GABRG3: variants seen among roughly 807,000 people sequenced by gnomAD.
GABRG3 encodes gamma-aminobutyric acid receptor subunit gamma-3.
Under a neutral mutation model 48.8 loss-of-function variants are expected in GABRG3, and 25 were observed. The observed-to-expected ratio is 0.51, with a 90% CI of 0.37 to 0.72. The LOEUF is 0.72. Among genes scored for constraint, GABRG3 ranks in the 30% least tolerant of loss-of-function variants. GABRG3 has a pLI of 0.00. For synonymous variants in GABRG3, 227 were observed against 217.6 expected (o/e 1.04, Z -0.38); for missense variants, 394 against 577.9 (o/e 0.68, Z 3.26).
At chr15:27,073,705 A>G (rs1257345640) in intron 3 of GABRG3, among the ~76,000 whole-genome samples, 2 of 152,232 alleles carry the variant, frequency 1.3e-5, no homozygotes, top group African/African-American at 2.4e-5. Context: ...TGGCTAAGAT[A>G]ACACACATGG....
intron 2 of GABRG3, among the ~76,000 whole-genome samples, chr15:26,995,087 C>A (rs1895316616): frequency 6.6e-6 from 1 of 151,862 alleles, no homozygotes; most frequent in Middle Eastern, 3.2e-3. Context: ...ATCTGTTTCC[C>A]CTTTCAATTA....
chr15:27,169,836 G>A (rs554793516), intron 3 of GABRG3, among the ~76,000 whole-genome samples: 21 of 152,208 alleles, frequency 1.4e-4, no homozygotes, highest in African/African-American at 4.6e-4. Context: ...ATTACACAGA[G>A]GAAAGGGAAT....
intron 7 of GABRG3, among the ~76,000 whole-genome samples, chr15:27,523,774 C>T (rs1343105087): frequency 6.6e-6 from 1 of 151,860 alleles, no homozygotes; most frequent in Non-Finnish European, 1.5e-5. Context: ...AGGAAAGAAT[C>T]AGTGAACCAT....
chr15:27,265,882 G>GTTTTTTTTTTTGTTTTTTTTTTTTTT (rs1890903518), intron 3 of GABRG3, among the ~76,000 whole-genome samples: 1 of 127,598 alleles, frequency 7.8e-6, no homozygotes, highest in African/African-American at 3.4e-5. Flanking sequence ...TTTTCTCCTG[G>GTTTTTTTTTTTGTTTTTTTTTTTTTT]TTTTTTTTTT....
chr15:27,345,945 C>CGAGG (rs1208102016), intron 5 of GABRG3, among the ~76,000 whole-genome samples: 2 of 151,274 alleles, frequency 1.3e-5, no homozygotes, highest in African/African-American at 4.9e-5. Flanking sequence ...CCCAGCTACC[C>CGAGG]AGGAGGCTGA....
At chr15:27,296,220 C>G (rs1017510662) in intron 3 of GABRG3, among the ~76,000 whole-genome samples, 1 of 152,168 alleles carries the variant, frequency 6.6e-6, no homozygotes, top group African/African-American at 2.4e-5. Flanking sequence ...AAGGCAAAGG[C>G]ATGAGTAATG....
rs115904750 is a variant in GABRG3, at chr15:27,094,884, T to C, written c.270+68063T>C. Among the ~76,000 whole-genome samples the C allele has an allele frequency of 7.3e-3, 1,112 of 152,298 alleles. 14 individuals carry two copies. The highest frequency in any genetic ancestry group is 0.025 in the African/African-American group (1,050 of 41,566). Reference sequence around the variant, plus strand: ...ATTTTAGTATATAGTTTTCCAAATATATATATTATGACAACAAACATACAC... The same window carrying C: ...ATTTTAGTATATAGTTTTCCAAATACATATATTATGACAACAAACATACAC... On this transcript the variant is annotated intron_variant, in intron 3 of 9. Coordinates refer to ENST00000615808, the MANE Select transcript of GABRG3 (RefSeq NM_033223.5).
chr15:27,488,400 C>T (rs1890270000), intron 6 of GABRG3, among the ~76,000 whole-genome samples: 1 of 152,104 alleles, frequency 6.6e-6, no homozygotes, highest in Admixed American at 6.6e-5. Flanking sequence ...GCCATCCTAC[C>T]TGGGTTTAAA....
intron 5 of GABRG3, among the ~76,000 whole-genome samples, chr15:27,459,990 C>T (rs1013501510): frequency 6.6e-6 from 1 of 152,050 alleles, no homozygotes; most frequent in African/African-American, 2.4e-5. Flanking sequence ...CCCTCTATGT[C>T]GTAATGGTGG....
chr15:27,483,038 T>C (rs1476861638), intron 6 of GABRG3: 1 of 152,250 alleles, frequency 6.6e-6, no homozygotes, highest in Non-Finnish European at 1.5e-5. Context: ...GGATGTAATA[T>C]ATTAAATATG....
At chr15:27,243,541 T>C (rs1015402470) in intron 3 of GABRG3, among the ~76,000 whole-genome samples, 20 of 152,246 alleles carry the variant, frequency 1.3e-4, no homozygotes, top group African/African-American at 4.8e-4. Flanking sequence ...GGGGTTGTTC[T>C]TAAATTGGAA....
intron 3 of GABRG3, among the ~76,000 whole-genome samples, chr15:27,046,348 C>T (rs1369435118): frequency 6.6e-6 from 1 of 152,228 alleles, no homozygotes; most frequent in South Asian, 2.1e-4. Flanking sequence ...AGGTGATCCA[C>T]CTGCCTCGGT....
chr15:27,487,257 G>T (rs1465499879), intron 6 of GABRG3, among the ~76,000 whole-genome samples: 2 of 152,170 alleles, frequency 1.3e-5, no homozygotes, highest in African/African-American at 4.8e-5. Context: ...GAATATGTCT[G>T]TTCTTTTAAA....
intron 3 of GABRG3, among the ~76,000 whole-genome samples, chr15:27,116,897 A>C (rs1897650747): frequency 5.3e-5 from 8 of 152,182 alleles, no homozygotes. Flanking sequence ...CCAGACACTG[A>C]ATCCACCAGC....
At chr15:27,217,802 T>C (rs1466242) in intron 3 of GABRG3, among the ~76,000 whole-genome samples, 18,881 of 152,140 alleles carry the variant, frequency 0.12, 2,311 homozygotes, top group African/African-American at 0.32. Flanking sequence ...CCTGGCAAGG[T>C]CACGTGTGGG....
chr15:27,062,203 C>T (rs979816293), intron 3 of GABRG3, among the ~76,000 whole-genome samples: 1 of 152,020 alleles, frequency 6.6e-6, no homozygotes, highest in African/African-American at 2.4e-5. Flanking sequence ...GAGCCAGAGT[C>T]TGTGGATGTG....
intron 2 of GABRG3, among the ~76,000 whole-genome samples, chr15:27,022,521 T>G (rs1453683994): frequency 6.6e-6 from 1 of 152,208 alleles, no homozygotes; most frequent in Non-Finnish European, 1.5e-5. Flanking sequence ...TGTACTATAT[T>G]AAATGTGATT....
intron 5 of GABRG3, among the ~76,000 whole-genome samples, chr15:27,422,884 G>T (rs1298564710): frequency 6.6e-6 from 1 of 152,124 alleles, no homozygotes; most frequent in Non-Finnish European, 1.5e-5. Flanking sequence ...GTAGCCAAGG[G>T]ATACAGAGCA....
intron 3 of GABRG3, among the ~76,000 whole-genome samples, chr15:27,083,365 T>C (rs1311045239): frequency 7.4e-6 from 1 of 135,126 alleles, no homozygotes; most frequent in Non-Finnish European, 1.6e-5. Flanking sequence ...TTTTTTTGAG[T>C]TCTGTCACCA....
Sources: allele counts gnomAD v4.1 joint callset (sites outside exome capture counted in the v4.1 genomes callset), GRCh38; gene constraint gnomAD v4.1.1; transcripts MANE v1.5; gene names NCBI Gene and HGNC (gene_info 2026-07-23, HGNC 2026-07-21).